BRCA2: variants seen among roughly 807,000 people sequenced by gnomAD.
The protein encoded by BRCA2 is BRCA2 DNA repair associated, also known as breast cancer type 2 susceptibility protein.
In BRCA2, 203 loss-of-function variants were observed where a neutral mutation model predicts 276.7. The ratio of observed to expected loss-of-function variants is 0.73; its 90% CI spans 0.65 to 0.82. The LOEUF (loss-of-function observed/expected upper bound fraction) is 0.82, where lower values mean the gene tolerates loss of function less well. Among genes scored for constraint, BRCA2 ranks in the 40% least tolerant of loss-of-function variants. The pLI is 0.00. For synonymous variants in BRCA2, 1,289 were observed against 1,338.4 expected (o/e 0.96, Z 0.81); for missense variants, 3,920 against 3,915.0 (o/e 1.00, Z -0.03).
At chr13:32,390,012 A>G (rs1463751838) in intron 24 of BRCA2, among the ~76,000 whole-genome samples, 1 of 152,196 alleles carries the variant, frequency 6.6e-6, no homozygotes, top group East Asian at 1.9e-4. Context: ...TTTCTTAATC[A>G]CCAGATTTTA....
Position 32,332,500 on chromosome 13 carries a change from G to T in BRCA2, c.1022G>T (p.Cys341Phe), listed in dbSNP as rs80358403. The T allele has an allele frequency of 5.0e-6, 8 of 1,610,946 alleles. No individual in the cohort carries two copies. The highest frequency in any genetic ancestry group is 6.8e-6 in the Non-Finnish European group (8 of 1,179,232). ...KIFHEANADE[C>F]EKSKNQVKEK... ...TTCCATGAAGCAAACGCTGATGAAT[G>T]TGAAAAATCTAAAAACCAAGTGAAA... Residue 341 changes from cysteine (C) to phenylalanine (F), a missense_variant, in exon 10 of 27, where the codon TGT (cysteine) becomes TTT (phenylalanine). Around this residue, in one of 2 missense-constraint regions of BRCA2, gnomAD observed 3,263 missense variants for 3,156.9 expected, o/e 1.03. Transcript: ENST00000380152.
chr13:32,379,200 A>G lies in BRCA2; in HGVS notation c.8755-117A>G, dbSNP rs1043161307. 2.0e-5 allele frequency: 18 copies of G among 905,326 alleles called. No individual in the cohort carries two copies. In the South Asian group the frequency reaches 2.8e-4, roughly 14 times the overall value. The allele number at this position is 905,326 out of a possible 1,614,324, so 56.1% of individuals were successfully genotyped here. On this transcript the variant is annotated intron_variant, in intron 21 of 26. Coordinates refer to ENST00000380152, the MANE Select transcript of BRCA2 (RefSeq NM_000059.4). Reference sequence around the variant, plus strand: ...GTGAGAAACTGATTACATTAACCACACCCTTAAGATGAGCTCTAATTTTGT... The same window carrying G: ...GTGAGAAACTGATTACATTAACCACGCCCTTAAGATGAGCTCTAATTTTGT...
chr13:32,394,290 T>C (rs1396919848), intron 24 of BRCA2, among the ~76,000 whole-genome samples: 1 of 152,208 alleles, frequency 6.6e-6, no homozygotes, highest in Non-Finnish European at 1.5e-5. Context: ...TATGTTCATG[T>C]GTATTTTACT....
At chr13:32,367,657 T>G (rs1221985129) in intron 18 of BRCA2, among the ~76,000 whole-genome samples, 1 of 151,828 alleles carries the variant, frequency 6.6e-6, no homozygotes, top group African/African-American at 2.4e-5. Flanking sequence ...TAACCAGGTG[T>G]GGTGGCATGT....
Position 32,368,300 on chromosome 13 carries a change from T to G in BRCA2, c.8332-2102T>G, listed in dbSNP as rs76370881. Among the ~76,000 whole-genome samples, 8,009 of 151,956 alleles carry G rather than the reference T, an allele frequency of 0.053. 444 individuals are homozygous for G. Among genetic ancestry groups the G allele is most frequent in the Admixed American group, 0.18 (2,791 of 15,232 alleles). On this transcript the variant is annotated intron_variant, in intron 18 of 26. Coordinates refer to ENST00000380152, the MANE Select transcript of BRCA2 (RefSeq NM_000059.4). Reference sequence around the variant, plus strand: ...CTCCCAAAGTGCTGGGATTACAGGCTTGAGCCTGTAAATCCAGAAAAGGAT... The same window carrying G: ...CTCCCAAAGTGCTGGGATTACAGGCGTGAGCCTGTAAATCCAGAAAAGGAT...
intron 6 of BRCA2, 72 bp downstream of exon 6, chr13:32,326,354 C>T (rs2072347616): frequency 7.8e-6 from 12 of 1,538,590 alleles, no homozygotes; most frequent in Non-Finnish European, 1.1e-5. Context: ...TACCTTTGCC[C>T]TGAGATTTAC....
At chr13:32,350,187 A>G (rs2072638171) in intron 13 of BRCA2, among the ~76,000 whole-genome samples, 1 of 152,210 alleles carries the variant, frequency 6.6e-6, no homozygotes, top group Non-Finnish European at 1.5e-5. Flanking sequence ...AACTATAAAC[A>G]GACATCCAAA....
At chr13:32,371,163 T>C (rs2137601546) in intron 20 of BRCA2, 63 bp downstream of exon 20, 1 of 1,541,990 alleles carries the variant, frequency 6.5e-7, no homozygotes, top group Non-Finnish European at 8.9e-7. Flanking sequence ...TTAGAGACTT[T>C]GAATTTAACA....
At chr13:32,370,661 G>C in intron 19 of BRCA2, 104 bp downstream of exon 19, 3 of 1,282,508 alleles carry the variant, frequency 2.3e-6, no homozygotes, top group East Asian at 2.5e-5. Flanking sequence ...AGGCTGGAGT[G>C]CAATGGCGTG....
chr13:32,329,929 A>G (rs1285463662), intron 8 of BRCA2, among the ~76,000 whole-genome samples: 2 of 152,194 alleles, frequency 1.3e-5, no homozygotes, highest in African/African-American at 2.4e-5. Context: ...AATTATAACA[A>G]AATACCGTAA....
Position 32,331,168 on chromosome 13 carries a change from G to T in BRCA2, c.793+138G>T, listed in dbSNP as rs187981981. On this transcript the variant is annotated intron_variant, in intron 9 of 26. Coordinates refer to ENST00000380152, the MANE Select transcript of BRCA2 (RefSeq NM_000059.4). ...CTGCCTCCCGTGCTCAAGCGATCCTGCCTCAGCTTGCCAAGTAGCTGAGAT... is the reference window on the plus strand; with the variant it reads ...CTGCCTCCCGTGCTCAAGCGATCCTTCCTCAGCTTGCCAAGTAGCTGAGAT... 2.7e-5 allele frequency: 18 copies of T among 660,550 alleles called. No individual in the cohort carries two copies. In the Admixed American group the frequency reaches 3.0e-4, roughly 11 times the overall value. 40.9% of individuals were successfully genotyped at this position (660,550 alleles called of 1,614,324 possible). A position where few individuals can be genotyped will look rare whatever the true frequency, so the allele number is the denominator to read the frequency against.
In BRCA2 at chr13:32,355,240, A is replaced by G. The variant is rs2137558641; in HGVS notation, c.7387A>G (p.Asn2463Asp). Residue 2463 changes from asparagine to aspartate, a missense_variant, in exon 14 of 27, where the codon AAT becomes GAT. This residue lies in a region of BRCA2 where 3,263 missense variants were observed against 3,156.9 expected (regional missense o/e 1.03). Coordinates refer to ENST00000380152, the MANE Select transcript of BRCA2 (RefSeq NM_000059.4). The stretch of plus-strand genomic sequence containing the variant: ...TCATCAGTTTAACAAAAACAACTCC[A>G]ATCAAGCAGTAGCTGTAACTTTCAC... ...EIHQFNKNNSNQAVAVTFTKC... is the reference protein window; with the variant it reads ...EIHQFNKNNSDQAVAVTFTKC... 1 of 1,613,010 alleles carries G rather than the reference A, an allele frequency of 6.2e-7. No homozygotes were observed. The highest frequency in any genetic ancestry group is 8.5e-7 in the Non-Finnish European group (1 of 1,179,082).
intron 25 of BRCA2, among the ~76,000 whole-genome samples, chr13:32,395,143 GAGTT>G (rs2073027493): frequency 6.6e-6 from 1 of 152,158 alleles, no homozygotes; most frequent in African/African-American, 2.4e-5. Flanking sequence ...GAAGGGAAAT[GAGTT>G]AGGAGAAATT....
chr13:32,325,318 A>C, intron 4 of BRCA2, 134 bp downstream of exon 4: 2 of 658,650 alleles, frequency 3.0e-6, no homozygotes, highest in South Asian at 3.8e-5. Context: ...ATTTTTAAAT[A>C]ATCTTTTAGG....
intron 21 of BRCA2, 118 bp from the exon 22 acceptor site, chr13:32,379,199 C>T (rs2072894631): frequency 1.1e-6 from 1 of 899,884 alleles, no homozygotes; most frequent in Admixed American, 2.3e-5. Context: ...ACATTAACCA[C>T]ACCCTTAAGA....
At chr13:32,369,540 T>C (rs780670820) in intron 18 of BRCA2, among the ~76,000 whole-genome samples, 21 of 152,164 alleles carry the variant, frequency 1.4e-4, no homozygotes, top group Non-Finnish European at 2.6e-4. Context: ...GTCTGTAAAA[T>C]GGAGATGAGT....
chr13:32,378,256 A>T (rs1315878919), intron 21 of BRCA2, among the ~76,000 whole-genome samples: 1 of 152,200 alleles, frequency 6.6e-6, no homozygotes, highest in Non-Finnish European at 1.5e-5. Flanking sequence ...TGGACAAGTG[A>T]TGTATTTATT....
chr13:32,395,960 CTTTTTTTTTTTTTTTT>C (rs397838402), intron 25 of BRCA2: 5 of 79,200 alleles, frequency 6.3e-5, no homozygotes, highest in African/African-American at 1.8e-4. Context: ...TTCTTTCTTT[CTTTTTTTTTTTTTTTT>C]TTTTTTTTTT....
Position 32,398,327 on chromosome 13 carries a change from G to T in BRCA2, c.9814G>T (p.Asp3272Tyr), listed in dbSNP as rs879255474. 2 of 1,614,106 alleles carry T rather than the reference G, an allele frequency of 1.2e-6. No individual in the cohort carries two copies. Among genetic ancestry groups the T allele is most frequent in the Non-Finnish European group, 1.7e-6 (2 of 1,180,022 alleles). ...QKNCKKRRAL[D>Y]FLSRLPLPPP... ...GAACTGCAAAAAGAGAAGAGCCTTG[G>T]ATTTCTTGAGTAGACTGCCTTTACC... Residue 3272 changes from aspartate (D) to tyrosine (Y), a missense_variant, in exon 27 of 27, where the codon GAT (aspartate) becomes TAT (tyrosine). Around this residue, in one of 2 missense-constraint regions of BRCA2, gnomAD observed 657 missense variants for 758.2 expected, o/e 0.87. Transcript: ENST00000380152.
Sources: allele counts gnomAD v4.1 joint callset (sites outside exome capture counted in the v4.1 genomes callset), GRCh38; gene constraint gnomAD v4.1.1; regional missense constraint gnomAD v4.1.1; transcripts MANE v1.5; gene names NCBI Gene and HGNC (gene_info 2026-07-23, HGNC 2026-07-21).